XIRP2: variants seen among roughly 807,000 people sequenced by gnomAD.
The protein encoded by XIRP2 is xin actin-binding repeat-containing protein 2.
XIRP2 carries 236 observed loss-of-function variants against 277.0 expected under a neutral mutation model. That is an observed-to-expected ratio of 0.85 (90% CI 0.77 to 0.95). The LOEUF is 0.95. Ranked by LOEUF, XIRP2 falls within the 40% of genes least tolerant of loss-of-function variation. XIRP2 has a pLI of 0.00. For missense variants in XIRP2, 4,640 were observed against 4,157.5 expected, an observed-to-expected ratio of 1.12 and a Z score of -3.19; for synonymous variants, 1,490 against 1,416.5, an observed-to-expected ratio of 1.05 and a Z score of -1.17.
At chr2:167,049,620 A>T (rs73012291) in intron 2 of XIRP2, among the ~76,000 whole-genome samples, 2 of 152,006 alleles carry the variant, frequency 1.3e-5, no homozygotes, top group African/African-American at 4.8e-5. Flanking sequence ...TTGTCCATCT[A>T]TTGAGAATTC....
At chr2:167,211,167 C>T (rs6728044) in intron 4 of XIRP2, among the ~76,000 whole-genome samples, 21,727 of 152,022 alleles carry the variant, frequency 0.14, 1,840 homozygotes, top group African/African-American at 0.24. Flanking sequence ...TGCAATGGCA[C>T]GATCTCGGCA....
intron 2 of XIRP2, among the ~76,000 whole-genome samples, chr2:167,120,456 A>G (rs1411640215): frequency 4.6e-5 from 7 of 152,202 alleles, no homozygotes; most frequent in Admixed American, 2.0e-4. Flanking sequence ...ATGATAGCAC[A>G]GTCTCCAAGG....
chr2:166,995,605 A>T (rs1687199650), intron 2 of XIRP2, among the ~76,000 whole-genome samples: 1 of 152,144 alleles, frequency 6.6e-6, no homozygotes, highest in African/African-American at 2.4e-5. Context: ...TATAAAATTA[A>T]AGATAGACTA....
chr2:166,994,661 A>T (rs1404478048), intron 2 of XIRP2, among the ~76,000 whole-genome samples: 1 of 133,648 alleles, frequency 7.5e-6, no homozygotes, highest in Non-Finnish European at 1.6e-5. Flanking sequence ...TAATGTCAAA[A>T]ATTAAAGCCT....
chr2:167,246,163 G>A lies in XIRP2; in HGVS notation c.4771G>A (p.Ala1591Thr). The stretch of plus-strand genomic sequence containing the variant: ...GGCAAAATACAAGCTAATGAACCAA[G>A]CATCTCCTGAGATACAGAAAGAAGA... ...RMAKYKLMNQ[A>T]SPEIQKEEII... The change falls in exon 9 of 11, where the codon GCA (alanine) becomes ACA (threonine). Residue 1591 changes from alanine to threonine, a missense_variant. Ala to Thr is a moderately conservative substitution (Grantham distance 58). Transcript: ENST00000409195. 6.2e-7 allele frequency: 1 copy of A among 1,612,460 alleles called. No homozygotes were observed. The highest frequency in any genetic ancestry group is 8.5e-7 in the Non-Finnish European group (1 of 1,179,524).
intron 2 of XIRP2, among the ~76,000 whole-genome samples, chr2:166,977,300 A>G (rs980245103): frequency 1.3e-5 from 2 of 152,176 alleles, no homozygotes; most frequent in Admixed American, 6.5e-5. Context: ...TTAGTTCTTC[A>G]ATATTTTTTC....
intron 2 of XIRP2, among the ~76,000 whole-genome samples, chr2:167,017,068 T>A (rs1193098554): frequency 6.6e-6 from 1 of 151,838 alleles, no homozygotes; most frequent in Non-Finnish European, 1.5e-5. Context: ...GCTGCCATAG[T>A]TCACGCCTTA....
At chr2:167,183,591 A>T (rs73027817) in intron 3 of XIRP2, among the ~76,000 whole-genome samples, 15,010 of 152,026 alleles carry the variant, frequency 0.099, 794 homozygotes, top group South Asian at 0.16. Flanking sequence ...TATCTATTTC[A>T]TTGTGATTTT....
chr2:167,192,261 T>C (rs1374014911), intron 3 of XIRP2, among the ~76,000 whole-genome samples: 1 of 152,236 alleles, frequency 6.6e-6, no homozygotes, highest in African/African-American at 2.4e-5. Context: ...CTGGGTTTTT[T>C]AAAACAATGA....
chr2:166,907,612 G>A (rs1233926023), intron 2 of XIRP2, among the ~76,000 whole-genome samples: 1 of 141,264 alleles, frequency 7.1e-6, no homozygotes, highest in South Asian at 2.3e-4. Flanking sequence ...GGTCATAGAA[G>A]TTTTTTTTTT....
chr2:167,123,409 T>A (rs533165122), intron 2 of XIRP2, among the ~76,000 whole-genome samples: 26 of 152,296 alleles, frequency 1.7e-4, no homozygotes, highest in African/African-American at 6.0e-4. Context: ...ATCTTATGCC[T>A]GTAAGGATAA....
intron 2 of XIRP2, among the ~76,000 whole-genome samples, chr2:167,113,154 C>G (rs777538501): frequency 3.3e-5 from 5 of 151,994 alleles, no homozygotes; most frequent in Non-Finnish European, 5.9e-5. Context: ...CTATAAATAT[C>G]TAGTACATTC....
chr2:167,242,987 G>C lies in XIRP2; in HGVS notation c.1595G>C (p.Gly532Ala). ...ATTGTTTCTAGTCAAATGAACTCAGGGAGTTCAGTCTCAGCAGATGTGCAA... is the reference window on the plus strand; with the variant it reads ...ATTGTTTCTAGTCAAATGAACTCAGCGAGTTCAGTCTCAGCAGATGTGCAA... ...SEIVSSQMNS[G>A]SSVSADVQQA... The change falls in exon 9 of 11, where the codon GGG (glycine) becomes GCG (alanine). Residue 532 changes from glycine to alanine, a missense_variant. Gly to Ala is a moderately conservative substitution (Grantham distance 60). Coordinates refer to ENST00000409195, the MANE Select transcript of XIRP2 (RefSeq NM_152381.6). 6.2e-7 allele frequency: 1 copy of C among 1,613,840 alleles called. No individual in the cohort carries two copies. The highest frequency in any genetic ancestry group is 1.3e-5 in the African/African-American group (1 of 75,000).
intron 2 of XIRP2, among the ~76,000 whole-genome samples, chr2:167,044,315 C>T (rs957218055): frequency 2.6e-5 from 4 of 152,074 alleles, no homozygotes; most frequent in African/African-American, 9.7e-5. Flanking sequence ...CAGTCAACAT[C>T]CTACTGAATG....
At position 167,210,860 on chromosome 2, in the gene XIRP2, G is replaced by A. The variant is rs772644456; in HGVS notation, c.688G>A (p.Val230Ile). The stretch of plus-strand genomic sequence containing the variant: ...GCGGATGGCGAGGTACCAGGCAGCT[G>A]TTTCCAGGGGTGACTGCCGCAGCTT... ...KERMARYQAA[V>I]SRGDCRSFSA... The change falls in exon 4 of 11, where the codon GTT becomes ATT. Residue 230 changes from valine to isoleucine, a missense_variant. By Grantham distance (29) the Val-to-Ile change is conservative. Transcript: ENST00000409195. The A allele has an allele frequency of 1.2e-5, 19 of 1,614,098 alleles. No individual in the cohort carries two copies. Among genetic ancestry groups the A allele is most frequent in the Non-Finnish European group, 1.6e-5 (19 of 1,179,982 alleles).
intron 2 of XIRP2, among the ~76,000 whole-genome samples, chr2:167,087,390 C>CT (rs138425090): frequency 0.17 from 26,113 of 151,670 alleles, 2,531 homozygotes; most frequent in East Asian, 0.39. Flanking sequence ...TTACTGCTGT[C>CT]TTTTTGTTTG....
intron 2 of XIRP2, among the ~76,000 whole-genome samples, chr2:166,960,220 G>A (rs1432700533): frequency 1.3e-5 from 2 of 151,672 alleles, no homozygotes; most frequent in Admixed American, 1.3e-4. Context: ...GAGGGGATAT[G>A]TTAGTTGAAT....
At chr2:167,171,824 A>T in intron 3 of XIRP2, among the ~76,000 whole-genome samples, 1 of 152,066 alleles carries the variant, frequency 6.6e-6, no homozygotes. Flanking sequence ...TATCCTACAC[A>T]CTCTTAACCT....
chr2:167,099,509 G>A (rs1382918187), intron 2 of XIRP2, among the ~76,000 whole-genome samples: 1 of 152,100 alleles, frequency 6.6e-6, no homozygotes, highest in African/African-American at 2.4e-5. Flanking sequence ...CCCTTTCCAG[G>A]AGAGTGAACA....
Sources: allele counts gnomAD v4.1 joint callset (sites outside exome capture counted in the v4.1 genomes callset), GRCh38; gene constraint gnomAD v4.1.1; transcripts MANE v1.5; gene names NCBI Gene and HGNC (gene_info 2026-07-23, HGNC 2026-07-21).